Variants in SPIRE1 observed in about 807,000 individuals in gnomAD.
SPIRE1 encodes the protein spire type actin nucleation factor 1.
Under a neutral mutation model 94.1 loss-of-function variants are expected in SPIRE1, and 40 were observed. That is an observed-to-expected ratio of 0.43 (90% CI 0.33 to 0.55). The LOEUF is 0.55. Among genes scored for constraint, SPIRE1 ranks in the 20% least tolerant of loss-of-function variants. The pLI is 0.06. For synonymous variants in SPIRE1, 376 were observed against 371.7 expected (o/e 1.01, Z -0.13); for missense variants, 838 against 975.2 (o/e 0.86, Z 1.87).
At chr18:12,645,241 T>C (rs948851295) in intron 1 of SPIRE1, among the ~76,000 whole-genome samples, 4 of 152,212 alleles carry the variant, frequency 2.6e-5, no homozygotes, top group Admixed American at 6.5e-5. Context: ...GTTCTCTCCA[T>C]GTTATGGTGT....
At chr18:12,558,997 C>T (rs2035603219) in intron 2 of SPIRE1, among the ~76,000 whole-genome samples, 1 of 152,200 alleles carries the variant, frequency 6.6e-6, no homozygotes, top group South Asian at 2.1e-4. Context: ...CCCTACCCAA[C>T]TCAGGAGCCC....
At chr18:12,496,205 G>T in intron 6 of SPIRE1, 103 bp from the exon 7 acceptor site, 1 of 736,890 alleles carries the variant, frequency 1.4e-6, no homozygotes, top group Non-Finnish European at 2.4e-6. Flanking sequence ...TTAGTGAAGT[G>T]TAATTACCAA....
chr18:12,538,845 C>A (rs563063917), intron 3 of SPIRE1, among the ~76,000 whole-genome samples: 1 of 152,218 alleles, frequency 6.6e-6, no homozygotes, highest in African/African-American at 2.4e-5. Context: ...TATTCCCATA[C>A]CACTCATATC....
chr18:12,618,946 GC>G (rs2037386816), intron 2 of SPIRE1, among the ~76,000 whole-genome samples: 2 of 152,000 alleles, frequency 1.3e-5, no homozygotes, highest in South Asian at 4.2e-4. Flanking sequence ...GTGCAATGGT[GC>G]GATCTCGGCT....
At chr18:12,658,373 G>T (rs1484177238), upstream of SPIRE1, 20 of 409,818 alleles carry the variant, frequency 4.9e-5, no homozygotes, top group Non-Finnish European at 9.3e-5. Flanking sequence ...GTCCGGAGGG[G>T]ATGCGCGGCC....
intron 2 of SPIRE1, among the ~76,000 whole-genome samples, chr18:12,633,348 T>C (rs2037832759): frequency 6.6e-6 from 1 of 152,120 alleles, no homozygotes; most frequent in Non-Finnish European, 1.5e-5. Flanking sequence ...ACGCCTGTAA[T>C]GGTGGATCAC....
chr18:12,649,573 A>T lies in SPIRE1; in HGVS notation c.337+7957T>A, dbSNP rs138295304. Among the ~76,000 whole-genome samples the T allele has an allele frequency of 2.3e-3, 351 of 152,344 alleles. 3 individuals are homozygous for T. Among genetic ancestry groups the T allele is most frequent in the South Asian group, 0.014 (69 of 4,826 alleles). On this transcript the variant is annotated intron_variant, in intron 1 of 16. Transcript: ENST00000409402. ...ACAGCTCTAATGACACTGTTATGAA[A>T]GCAGGATGAGAACTGCTGTTATTTT...
chr18:12,461,547 A>G (rs4998302), intron 12 of SPIRE1, among the ~76,000 whole-genome samples: 8,186 of 123,426 alleles, frequency 0.066, 489 homozygotes, highest in African/African-American at 0.15. Flanking sequence ...ACATATGTAT[A>G]TACATACATG....
chr18:12,463,316 T>C, intron 12 of SPIRE1, 35 bp downstream of exon 12: 2 of 1,563,944 alleles, frequency 1.3e-6, no homozygotes, highest in South Asian at 1.2e-5. Flanking sequence ...TTCTAGCTGG[T>C]CCCTAAGTTA....
intron 4 of SPIRE1, among the ~76,000 whole-genome samples, chr18:12,527,313 G>A (rs2034551371): frequency 1.3e-5 from 2 of 152,116 alleles, no homozygotes; most frequent in Admixed American, 1.3e-4. Context: ...ACTTTATTAA[G>A]GTTTGTTGAA....
Position 12,556,858 on chromosome 18 carries a change from C to A in SPIRE1, c.373-9954G>T, listed in dbSNP as rs182158039. Among the ~76,000 whole-genome samples, 74 of 152,252 alleles carry A rather than the reference C, an allele frequency of 4.9e-4. No individual in the cohort carries two copies. In the East Asian group the frequency reaches 0.012, roughly 25 times the overall value. ...AAAGCTTCCACAGTGTGGAAGGGGA[C>A]CCCAGCGGGTTGCCACTGCTGGCTT... On this transcript the variant is annotated intron_variant, in intron 2 of 16. Coordinates refer to ENST00000409402, the MANE Select transcript of SPIRE1 (RefSeq NM_001128626.2).
intron 1 of SPIRE1, among the ~76,000 whole-genome samples, chr18:12,639,887 T>G (rs563510065): frequency 4.0e-5 from 6 of 151,480 alleles, no homozygotes; most frequent in Non-Finnish European, 7.4e-5. Context: ...AAAAAAAAAT[T>G]TATTAGACGA....
intron 3 of SPIRE1, among the ~76,000 whole-genome samples, chr18:12,539,727 C>G (rs1232413140): frequency 6.6e-6 from 1 of 151,650 alleles, no homozygotes; most frequent in Non-Finnish European, 1.5e-5. Context: ...GAGTTTGAGA[C>G]CAGCCTGACC....
At chr18:12,659,677 T>A (rs973578285), upstream of SPIRE1, among the ~76,000 whole-genome samples, 31 of 151,866 alleles carry the variant, frequency 2.0e-4, no homozygotes, top group African/African-American at 7.3e-4. Flanking sequence ...CTCAAAAAAA[T>A]AAATAATAAA....
chr18:12,488,117 T>C (rs1293609909), intron 8 of SPIRE1, among the ~76,000 whole-genome samples: 3 of 152,230 alleles, frequency 2.0e-5, no homozygotes, highest in African/African-American at 7.2e-5. Context: ...GGACTTCCCA[T>C]ATTCTCCAAA....
intron 2 of SPIRE1, among the ~76,000 whole-genome samples, chr18:12,567,747 G>T (rs1056187949): frequency 1.3e-5 from 2 of 152,174 alleles, no homozygotes; most frequent in Admixed American, 1.3e-4. Flanking sequence ...TGGATTCTGG[G>T]TCTGGAAATG....
chr18:12,659,255 G>A (rs1413797909), upstream of SPIRE1, among the ~76,000 whole-genome samples: 1 of 132,826 alleles, frequency 7.5e-6, no homozygotes, highest in East Asian at 2.1e-4. Context: ...TGCATCTTGC[G>A]GTAGAAACTA....
chr18:12,549,809 T>A (rs1598460426), intron 2 of SPIRE1, among the ~76,000 whole-genome samples: 2 of 152,124 alleles, frequency 1.3e-5, no homozygotes, highest in South Asian at 4.1e-4. Context: ...TATCTCTCCC[T>A]CTAGAGCTGG....
At chr18:12,659,397 G>A (rs182548409), upstream of SPIRE1, among the ~76,000 whole-genome samples, 1 of 152,344 alleles carries the variant, frequency 6.6e-6, no homozygotes, top group African/African-American at 2.4e-5. Flanking sequence ...GCCGTGCGCA[G>A]TGGCTTAGGC....
Sources: gnomAD v4.1 joint callset for allele counts (sites outside exome capture counted in the v4.1 genomes callset) on GRCh38, gnomAD v4.1.1 for gene constraint, MANE v1.5 for transcripts, NCBI Gene and HGNC (gene_info 2026-07-23, HGNC 2026-07-21) for gene names.